TOM1L2: variants seen among roughly 807,000 people sequenced by gnomAD.
TOM1L2 encodes TOM1-like protein 2.
TOM1L2 carries 31 observed loss-of-function variants against 67.9 expected under a neutral mutation model. The observed-to-expected ratio is 0.46, with a 90% CI of 0.34 to 0.62. The LOEUF (loss-of-function observed/expected upper bound fraction) is 0.62. Among genes scored for constraint, TOM1L2 ranks in the 20% least tolerant of loss-of-function variants. The pLI is 0.01. For synonymous variants in TOM1L2, 256 were observed against 254.0 expected (o/e 1.01, Z -0.07); for missense variants, 606 against 663.5 (o/e 0.91, Z 0.95).
intron 7 of TOM1L2, among the ~76,000 whole-genome samples, chr17:17,878,599 C>T (rs114071057): frequency 3.0e-4 from 46 of 152,334 alleles, no homozygotes; most frequent in Middle Eastern, 3.4e-3. Context: ...GTGCCAGCAG[C>T]AGGGTAGAAG....
At chr17:17,857,832 C>T (rs1450709280) in intron 12 of TOM1L2, 5 of 1,535,700 alleles carry the variant, frequency 3.3e-6, no homozygotes, top group East Asian at 4.9e-5. Flanking sequence ...CTCTACCTCT[C>T]TTCTGGGCCG....
intron 13 of TOM1L2, among the ~76,000 whole-genome samples, chr17:17,849,941 C>A (rs567014406): frequency 6.6e-6 from 1 of 152,218 alleles, no homozygotes; most frequent in African/African-American, 2.4e-5. Flanking sequence ...GGAAAGCTGA[C>A]CTTCTGGGGA....
chr17:17,892,659 C>T (rs1192452083), intron 4 of TOM1L2, among the ~76,000 whole-genome samples: 1 of 152,100 alleles, frequency 6.6e-6, no homozygotes, highest in African/African-American at 2.4e-5. Context: ...CACCCCCTTC[C>T]CCACATAGTG....
At chr17:17,854,282 G>A (rs140327091) in intron 12 of TOM1L2, among the ~76,000 whole-genome samples, 193 of 152,228 alleles carry the variant, frequency 1.3e-3, no homozygotes, top group African/African-American at 4.4e-3. Context: ...GGCCGAGGAC[G>A]CGCTCCTTGT....
chr17:17,926,826 C>CT (rs1466990399), intron 1 of TOM1L2, among the ~76,000 whole-genome samples: 2 of 151,978 alleles, frequency 1.3e-5, no homozygotes, highest in Non-Finnish European at 2.9e-5. Flanking sequence ...CCACTGCACT[C>CT]CTGTCTGGGC....
chr17:17,972,203 C>T (rs1057376265), intron 1 of TOM1L2, 59 bp downstream of exon 1: 202 of 1,545,310 alleles, frequency 1.3e-4, no homozygotes, highest in Non-Finnish European at 1.7e-4. Context: ...GCCCGCGGTC[C>T]TCACCAGCCG....
At chr17:17,875,996 G>A (rs929936376) in intron 7 of TOM1L2, among the ~76,000 whole-genome samples, 1 of 152,222 alleles carries the variant, frequency 6.6e-6, no homozygotes, top group Non-Finnish European at 1.5e-5. Flanking sequence ...TTGGAGAAAC[G>A]AGGAGGCCTC....
intron 2 of TOM1L2, among the ~76,000 whole-genome samples, chr17:17,900,285 C>T (rs1019319573): frequency 7.9e-5 from 12 of 151,216 alleles, no homozygotes; most frequent in Admixed American, 1.3e-4. Context: ...TTTGGGAGGC[C>T]GAGATGGGTG....
chr17:17,847,458 G>A lies in TOM1L2; in HGVS notation c.*177C>T. On this transcript the variant is annotated 3_prime_UTR_variant, in exon 15 of 15. Coordinates refer to ENST00000379504, the MANE Select transcript of TOM1L2 (RefSeq NM_001082968.2). ...CAGTTGTCCCACCACTCAGAGAAAA[G>A]AAGTGGCTGAAGCTGGTCCTGACTA... 1 of 765,172 alleles carries A rather than the reference G, an allele frequency of 1.3e-6. No individual in the cohort carries two copies. 47.4% of individuals were successfully genotyped at this position (765,172 alleles called of 1,614,324 possible). A position where few individuals can be genotyped will look rare whatever the true frequency, so the allele number is the denominator to read the frequency against.
At chr17:17,850,472 C>G (rs1225350641) in intron 13 of TOM1L2, among the ~76,000 whole-genome samples, 1 of 150,500 alleles carries the variant, frequency 6.6e-6, no homozygotes, top group Non-Finnish European at 1.5e-5. Flanking sequence ...GTGTATACTT[C>G]ACAATTAAAA....
At chr17:17,938,238 A>G (rs2040586037) in intron 1 of TOM1L2, among the ~76,000 whole-genome samples, 1 of 152,218 alleles carries the variant, frequency 6.6e-6, no homozygotes, top group Admixed American at 6.5e-5. Flanking sequence ...TGCCTATGAG[A>G]TAATGAGTTT....
chr17:17,933,027 G>C (rs942406377), intron 1 of TOM1L2, among the ~76,000 whole-genome samples: 1 of 152,072 alleles, frequency 6.6e-6, no homozygotes, highest in South Asian at 2.1e-4. Context: ...ACTAACAGTC[G>C]TTTAAACAGA....
At chr17:17,907,618 A>G (rs1220374684) in intron 1 of TOM1L2, 87 bp from the exon 2 acceptor site, 9 of 1,161,282 alleles carry the variant, frequency 7.8e-6, no homozygotes, top group Non-Finnish European at 1.1e-5. Flanking sequence ...GAACCACCAC[A>G]TTCTTCTCCC....
At chr17:17,886,481 T>A (rs557170084) in intron 4 of TOM1L2, among the ~76,000 whole-genome samples, 1 of 152,248 alleles carries the variant, frequency 6.6e-6, no homozygotes, top group East Asian at 1.9e-4. Flanking sequence ...CCAGCTGCGC[T>A]GGCTGCCTCC....
In TOM1L2 at chr17:17,915,741, T is replaced by C. The variant is rs534010287; in HGVS notation, c.53-8210A>G. On this transcript the variant is annotated intron_variant, in intron 1 of 14. Transcript: ENST00000379504. ...CTTGCTATGTTACCCAGGCTGATCT[T>C]GAACGCCTGGCCTCAAGTGATCCTC... 5.9e-5 allele frequency among the ~76,000 whole-genome samples: 9 copies of C among 152,228 alleles called. No individual in the cohort carries two copies. The South Asian group carries it at 1.9e-3, about 32-fold the overall frequency.
intron 1 of TOM1L2, among the ~76,000 whole-genome samples, chr17:17,968,476 C>G (rs1168799990): frequency 6.6e-6 from 1 of 152,002 alleles, no homozygotes; most frequent in African/African-American, 2.4e-5. Context: ...ACCAGCCTGG[C>G]CAAGGTAGTG....
At chr17:17,924,519 G>A (rs558862633) in intron 1 of TOM1L2, among the ~76,000 whole-genome samples, 3 of 152,174 alleles carry the variant, frequency 2.0e-5, no homozygotes, top group African/African-American at 7.2e-5. Context: ...AAAATCCTTA[G>A]CTGGGTGCAG....
At chr17:17,861,686 T>G in intron 11 of TOM1L2, 135 bp from the exon 12 acceptor site, 2 of 748,100 alleles carry the variant, frequency 2.7e-6, no homozygotes, top group Non-Finnish European at 2.2e-6. Flanking sequence ...CCTGAAACCT[T>G]GACATTGAGC....
chr17:17,911,704 G>A (rs1598319894), intron 1 of TOM1L2, among the ~76,000 whole-genome samples: 1 of 149,874 alleles, frequency 6.7e-6, no homozygotes, highest in East Asian at 1.9e-4. Flanking sequence ...TCTCACAGAG[G>A]GGGATTTGGC....
Sources: allele counts gnomAD v4.1 joint callset (sites outside exome capture counted in the v4.1 genomes callset), GRCh38; gene constraint gnomAD v4.1.1; transcripts MANE v1.5; gene names NCBI Gene and HGNC (gene_info 2026-07-23, HGNC 2026-07-21).